The following SAV1 variants were observed in gnomAD, a reference collection of about 807,000 sequenced individuals.
SAV1 encodes protein salvador homolog 1.
In SAV1, 23 loss-of-function variants were observed where a neutral mutation model predicts 47.3. That is an observed-to-expected ratio of 0.49 (90% CI 0.35 to 0.69). The LOEUF (loss-of-function observed/expected upper bound fraction) is 0.69. SAV1 is among the 30% of genes least tolerant of loss of function. The pLI is 0.01. For missense variants in SAV1, 448 were observed against 457.4 expected (o/e 0.98, Z 0.19); for synonymous variants, 155 against 159.2 (o/e 0.97, Z 0.20).
intron 2 of SAV1, among the ~76,000 whole-genome samples, chr14:50,652,587 C>A (rs1870329198): frequency 6.6e-6 from 1 of 152,092 alleles, no homozygotes; most frequent in Admixed American, 6.5e-5. Context: ...AAAGCAGCAG[C>A]AATTTAAACA....
At position 50,644,832 on chromosome 14, in the gene SAV1, A is replaced by G; in HGVS notation, c.718T>C (p.Trp240Arg). The G allele has an allele frequency of 6.2e-7, 1 of 1,614,140 alleles. No individual in the cohort carries two copies. Among genetic ancestry groups the G allele is most frequent in the Non-Finnish European group, 8.5e-7 (1 of 1,180,008 alleles). ...AATTCGGATGACTCAACTCGTTCCC[A>G]TCCAGGAGGAAGTCCTTCTCGCTCA... Reference protein sequence around the residue: ...PLEREGLPPGWERVESSEFGT... With the variant: ...PLEREGLPPGRERVESSEFGT... The change falls in exon 3 of 5, where the codon TGG (tryptophan) becomes CGG (arginine). Residue 240 changes from tryptophan (W) to arginine (R), a missense_variant. Trp to Arg is a moderately radical substitution (Grantham distance 101). Transcript: ENST00000324679.
intron 3 of SAV1, among the ~76,000 whole-genome samples, chr14:50,642,864 T>C (rs2039691398): frequency 2.6e-5 from 4 of 152,114 alleles, no homozygotes; most frequent in Admixed American, 2.6e-4. Flanking sequence ...CAACTGGGGG[T>C]GAAGAAGAAT....
In SAV1 at chr14:50,633,742, A is replaced by C. The variant is rs750830896; in HGVS notation, c.*1441T>G. The C allele has an allele frequency of 6.5e-6, 1 of 152,800 alleles. No individual in the cohort carries two copies. Among genetic ancestry groups the C allele is most frequent in the Non-Finnish European group, 1.5e-5 (1 of 68,126 alleles). 9.5% of individuals were successfully genotyped at this position (152,800 alleles called of 1,614,324 possible). On this transcript the variant is annotated 3_prime_UTR_variant, in exon 5 of 5. Coordinates refer to ENST00000324679, the MANE Select transcript of SAV1 (RefSeq NM_021818.4). ...AACTCACTGATATCTAACTGGGAGT[A>C]GTTTGTATTCTGGAAGACTTCCTAA... is the stretch of plus-strand genomic sequence containing the variant.
chr14:50,668,011 G>C lies in SAV1; in HGVS notation c.-44C>G. On this transcript the variant is annotated 5_prime_UTR_variant, in exon 1 of 5. Transcript: ENST00000324679. ...AGGCCGCGCTGAACTGCCTCCCTAG[G>C]GCTCCGCGCCGGGCGCCGGCCGTCT... The C allele has an allele frequency of 6.9e-7, 1 of 1,440,228 alleles. No homozygotes were observed. Among genetic ancestry groups the C allele is most frequent in the Non-Finnish European group, 9.2e-7 (1 of 1,083,230 alleles). The allele number at this position is 1,440,228 out of a possible 1,614,324, so 89.2% of individuals were successfully genotyped here. A position where few individuals can be genotyped will look rare whatever the true frequency, so the allele number is the denominator to read the frequency against.
intron 4 of SAV1, among the ~76,000 whole-genome samples, 177 bp from the exon 5 acceptor site, chr14:50,635,561 G>C (rs993114463): frequency 2.0e-5 from 3 of 151,976 alleles, no homozygotes; most frequent in African/African-American, 7.2e-5. Context: ...AGCTACTTGG[G>C]AGGCTGAGGT....
At chr14:50,648,567 C>G (rs1214886442) in intron 2 of SAV1, among the ~76,000 whole-genome samples, 1 of 152,128 alleles carries the variant, frequency 6.6e-6, no homozygotes, top group Non-Finnish European at 1.5e-5. Context: ...ATCATGAGGT[C>G]AGGAGATCGA....
Position 50,667,934 on chromosome 14 carries a change from A to G in SAV1, c.34T>C (p.Ser12Pro), listed in dbSNP as rs1262177059. 1.2e-6 allele frequency: 2 copies of G among 1,612,406 alleles called. No individual in the cohort carries two copies. Among genetic ancestry groups the G allele is most frequent in the Non-Finnish European group, 8.5e-7 (1 of 1,179,418 alleles). Residue 12 changes from serine (S) to proline (P), a missense_variant, in exon 1 of 5, where the codon TCC becomes CCC. Coordinates refer to ENST00000324679, the MANE Select transcript of SAV1 (RefSeq NM_021818.4). Reference sequence around the variant, plus strand: ...TTCCCCTGCACCTCGGCCGGCTTGGACACTTCGTTTTTGGTTTTCTTTCGG... The same window carrying G: ...TTCCCCTGCACCTCGGCCGGCTTGGGCACTTCGTTTTTGGTTTTCTTTCGG... ...LSRKKTKNEV[S>P]KPAEVQGKYV...
At chr14:50,663,432 A>G (rs2039876302) in intron 2 of SAV1, among the ~76,000 whole-genome samples, 1 of 152,246 alleles carries the variant, frequency 6.6e-6, no homozygotes, top group Admixed American at 6.5e-5. Context: ...AATAACCAAA[A>G]TAAACACTCA....
In SAV1 at chr14:50,635,277, A is replaced by G. The variant is rs142508255; in HGVS notation, c.1058T>C (p.Met353Thr). 38 of 1,614,140 alleles carry G rather than the reference A, an allele frequency of 2.4e-5. No individual in the cohort carries two copies. The highest frequency in any genetic ancestry group is 2.7e-5 in the Non-Finnish European group (32 of 1,180,014). Residue 353 changes from methionine to threonine, a missense_variant, in exon 5 of 5, where the codon ATG (methionine) becomes ACG (threonine). Coordinates refer to ENST00000324679, the MANE Select transcript of SAV1 (RefSeq NM_021818.4). ...AAGGGCTTGTCTGTATGCTTCATACATTTTAACAATCTGCTCCAATTCTTT... is the reference window on the plus strand; with the variant it reads ...AAGGGCTTGTCTGTATGCTTCATACGTTTTAACAATCTGCTCCAATTCTTT... ...FMKELEQIVKMYEAYRQALLT... is the reference protein window; with the variant it reads ...FMKELEQIVKTYEAYRQALLT...
chr14:50,649,292 AGTTT>A lies in SAV1; in HGVS notation c.536-4282_536-4279del, dbSNP rs549724204. 5.4e-3 allele frequency among the ~76,000 whole-genome samples: 823 copies of A among 152,308 alleles called. 14 individuals are homozygous for A. Among genetic ancestry groups the A allele is most frequent in the Non-Finnish European group, 4.5e-3 (307 of 68,012 alleles). On this transcript the variant is annotated intron_variant, in intron 2 of 4. Coordinates refer to ENST00000324679, the MANE Select transcript of SAV1 (RefSeq NM_021818.4). ...TTAACCTTTTAACTTATGTAATTTTAGTTTGTTTATTTACCTACAAGAATCCCAC... is the reference window on the plus strand; with the variant it reads ...TTAACCTTTTAACTTATGTAATTTTAGTTTATTTACCTACAAGAATCCCAC...
chr14:50,636,182 C>A (rs2039633242), intron 4 of SAV1, among the ~76,000 whole-genome samples: 1 of 152,066 alleles, frequency 6.6e-6, no homozygotes. Context: ...ATATTTTGTG[C>A]TACTTATAAG....
Position 50,634,215 on chromosome 14 carries a change from C to T in SAV1, c.*968G>A, listed in dbSNP as rs1007049709. 46 of 454,656 alleles carry T rather than the reference C, an allele frequency of 1.0e-4. No individual in the cohort carries two copies. Among genetic ancestry groups the T allele is most frequent in the Non-Finnish European group, 1.9e-4 (43 of 225,990 alleles). The allele number at this position is 454,656 out of a possible 1,614,324, so 28.2% of individuals were successfully genotyped here. A position where few individuals can be genotyped will look rare whatever the true frequency, so the allele number is the denominator to read the frequency against. On this transcript the variant is annotated 3_prime_UTR_variant, in exon 5 of 5. Transcript: ENST00000324679. ...ATGATGTTAGCAACTTTGAGTTTCACGCACCTTCCCAATACAGGCTAAGTA... is the reference window on the plus strand; with the variant it reads ...ATGATGTTAGCAACTTTGAGTTTCATGCACCTTCCCAATACAGGCTAAGTA...
At chr14:50,644,595 G>C in intron 3 of SAV1, 149 bp downstream of exon 3, 1 of 664,990 alleles carries the variant, frequency 1.5e-6, no homozygotes, top group Non-Finnish European at 2.4e-6. Flanking sequence ...ATTACTAAAT[G>C]TATGTCCAGA....
At chr14:50,649,577 T>C (rs1384487925) in intron 2 of SAV1, among the ~76,000 whole-genome samples, 1 of 152,238 alleles carries the variant, frequency 6.6e-6, no homozygotes, top group East Asian at 1.9e-4. Context: ...GTGTTTTTTA[T>C]AATCAAGAGA....
At chr14:50,641,543 A>G (rs1160529260) in intron 3 of SAV1, among the ~76,000 whole-genome samples, 1 of 152,222 alleles carries the variant, frequency 6.6e-6, no homozygotes, top group Non-Finnish European at 1.5e-5. Flanking sequence ...TGAGACCAAA[A>G]GGGGTCTGCA....
At chr14:50,646,898 AACAG>A (rs1245907212) in intron 2 of SAV1, among the ~76,000 whole-genome samples, 1 of 152,176 alleles carries the variant, frequency 6.6e-6, no homozygotes, top group Non-Finnish European at 1.5e-5. Context: ...TTGTCAGAAG[AACAG>A]ACAAATAGAT....
intron 2 of SAV1, among the ~76,000 whole-genome samples, chr14:50,656,440 A>ATTTT (rs11288683): frequency 8.3e-6 from 1 of 120,590 alleles, no homozygotes; most frequent in African/African-American, 3.0e-5. Flanking sequence ...CCCCAACTGT[A>ATTTT]TTTTTTTTTT....
intron 2 of SAV1, among the ~76,000 whole-genome samples, chr14:50,661,263 G>C (rs369388493): frequency 6.6e-6 from 1 of 152,082 alleles, no homozygotes; most frequent in Non-Finnish European, 1.5e-5. Flanking sequence ...GTCTTCTTTT[G>C]AGAAACGTCT....
rs191246985 is a variant in SAV1, at chr14:50,648,465, T to C, written c.536-3451A>G. Among the ~76,000 whole-genome samples, 190 of 152,364 alleles carry C rather than the reference T, an allele frequency of 1.2e-3. 1 individual carries two copies. The highest frequency in any genetic ancestry group is 4.4e-3 in the African/African-American group (181 of 41,580). On this transcript the variant is annotated intron_variant, in intron 2 of 4. Coordinates refer to ENST00000324679, the MANE Select transcript of SAV1 (RefSeq NM_021818.4). ...TTTTTAAAAGAATAATCTGGCTGCA[T>C]AATTTTATTCTCACACAAGAATACT...
Sources: gnomAD v4.1 joint callset for allele counts (sites outside exome capture counted in the v4.1 genomes callset) on GRCh38, gnomAD v4.1.1 for gene constraint, MANE v1.5 for transcripts, NCBI Gene and HGNC (gene_info 2026-07-23, HGNC 2026-07-21) for gene names.